Variants in PALB2 observed in about 807,000 individuals in gnomAD.
The protein encoded by PALB2 is partner and localizer of BRCA2.
In PALB2, 82 loss-of-function variants were observed where a neutral mutation model predicts 107.4. The ratio of observed to expected loss-of-function variants is 0.76; its 90% CI spans 0.64 to 0.92. The LOEUF is 0.92. Among genes scored for constraint, PALB2 ranks in the 40% least tolerant of loss-of-function variants. The probability of loss-of-function intolerance (pLI) is 0.00; values close to 1 mark genes in which losing one functional copy is unlikely to be tolerated. For missense variants in PALB2, 1,374 were observed against 1,379.9 expected, an observed-to-expected ratio of 1.00 and a Z score of 0.07; for synonymous variants, 489 against 496.8, an observed-to-expected ratio of 0.98 and a Z score of 0.21.
rs544030223 is a variant in PALB2, at chr16:23,627,261, G to C, written c.2587-864C>G. ...CCAGCACTTTGGGAGGCCGAGGCGG[G>C]TGGATCATGAGGTCAGGAGATCGAG... is the stretch of plus-strand genomic sequence containing the variant. On this transcript the variant is annotated intron_variant, in intron 6 of 12. Coordinates refer to ENST00000261584, the MANE Select transcript of PALB2 (RefSeq NM_024675.4). 1.7e-3 allele frequency among the ~76,000 whole-genome samples: 265 copies of C among 151,976 alleles called. 2 individuals are homozygous for C. Among genetic ancestry groups the C allele is most frequent in the African/African-American group, 6.3e-3 (262 of 41,524 alleles).
rs1304380791 is a variant in PALB2 at position 23,626,366 on chromosome 16, C to T, written c.2618G>A (p.Ser873Asn). 1.2e-6 allele frequency: 2 copies of T among 1,614,196 alleles called. No homozygotes were observed. The highest frequency in any genetic ancestry group is 1.1e-5 in the South Asian group (1 of 91,078). ...ACCGGCTCTTTCCCAAAACATGGCA[C>T]TCACATCTACGGAACAGGAACCTGA... ...NPSGSCSVDV[S>N]AMFWERAGCK... The change falls in exon 7 of 13, where the codon AGT (serine) becomes AAT (asparagine). Residue 873 changes from serine (S) to asparagine (N), a missense_variant. Transcript: ENST00000261584.
chr16:23,632,572 G>T (rs1180258159), intron 4 of PALB2, among the ~76,000 whole-genome samples: 1 of 152,142 alleles, frequency 6.6e-6, no homozygotes, highest in African/African-American at 2.4e-5. Context: ...GGTTGCCCAG[G>T]GATGAAGTAG....
In PALB2 at chr16:23,615,172, C is replaced by T. The variant is rs576529078; in HGVS notation, c.3114-1081G>A. 6.0e-5 allele frequency among the ~76,000 whole-genome samples: 9 copies of T among 150,148 alleles called. No homozygotes were observed. In the East Asian group the frequency reaches 1.4e-3, roughly 23 times the overall value. On this transcript the variant is annotated intron_variant, in intron 10 of 12. Transcript: ENST00000261584. ...CCAGGTTGGCCAGGCTGGTCTTGAA[C>T]TCCTGACCGTAGGTGATCCACCTGC...
chr16:23,616,874 G>A (rs941798094), intron 10 of PALB2, among the ~76,000 whole-genome samples: 1 of 151,162 alleles, frequency 6.6e-6, no homozygotes, highest in Non-Finnish European at 1.5e-5. Flanking sequence ...GTGCAGTGGC[G>A]TGATCTCCGC....
intron 10 of PALB2, among the ~76,000 whole-genome samples, 196 bp downstream of exon 10, chr16:23,621,166 T>TGC (rs1966764069): frequency 6.6e-6 from 1 of 152,112 alleles, no homozygotes; most frequent in African/African-American, 2.4e-5. Context: ...GCCGAGATCA[T>TGC]ACCACTGTAC....
rs1966859211 is a variant in PALB2 at position 23,629,959 on chromosome 16, C to G, written c.2195G>C (p.Gly732Ala). The G allele has an allele frequency of 6.2e-7, 1 of 1,613,966 alleles. No homozygotes were observed. The highest frequency in any genetic ancestry group is 8.5e-7 in the Non-Finnish European group (1 of 1,180,044). ...TTGAGGGCCAAAGGCTGGAGTAGTA[C>G]CTAAGATGGGGAAAGCAGGTGAACA... is the stretch of plus-strand genomic sequence containing the variant. ...DMCSPAFPILGTTPAFGPQGS... is the reference protein window; with the variant it reads ...DMCSPAFPILATTPAFGPQGS... The change falls in exon 5 of 13, where the codon GGT (glycine) becomes GCT (alanine). Residue 732 changes from glycine (G) to alanine (A), a missense_variant. Transcript: ENST00000261584.
Position 23,625,361 on chromosome 16 carries a change from A to G in PALB2, c.2748+875T>C, listed in dbSNP as rs372745893. ...AAACAAACAAACAAACAAAAAACCC[A>G]TATCTAGATAAACCTGTGATGGGCT... is the stretch of plus-strand genomic sequence containing the variant. On this transcript the variant is annotated intron_variant, in intron 7 of 12. Transcript: ENST00000261584. Among the ~76,000 whole-genome samples the G allele has an allele frequency of 8.3e-4, 126 of 151,460 alleles. 8 individuals carry two copies. The highest frequency in any genetic ancestry group is 5.9e-4 in the East Asian group (3 of 5,122).
intron 10 of PALB2, among the ~76,000 whole-genome samples, chr16:23,616,697 A>C (rs1025612362): frequency 5.3e-5 from 8 of 152,244 alleles, no homozygotes; most frequent in African/African-American, 1.9e-4. Context: ...GAAGATATTA[A>C]ATGAAATGTC....
Position 23,629,988 on chromosome 16 carries a change from G to C in PALB2, c.2166C>G (p.Asp722Glu), listed in dbSNP as rs768901359. ...APDDNDRPTT[D>E]MCSPAFPILG... is the part of the protein sequence containing the mutation. ...AGATGGGGAAAGCAGGTGAACACAT[G>C]TCTGTGGTAGGCCTGTCATTATCAT... The change falls in exon 5 of 13, where the codon GAC (aspartate) becomes GAG (glutamate). Residue 722 changes from aspartate (D) to glutamate (E), a missense_variant. By Grantham distance (45) the Asp-to-Glu change is conservative (BLOSUM62 2). Coordinates refer to ENST00000261584, the MANE Select transcript of PALB2 (RefSeq NM_024675.4). The C allele has an allele frequency of 1.9e-6, 3 of 1,614,142 alleles. No individual in the cohort carries two copies. The highest frequency in any genetic ancestry group is 1.7e-6 in the Non-Finnish European group (2 of 1,180,020).
At chr16:23,629,162 A>T (rs1008378700) in intron 6 of PALB2, 42 bp downstream of exon 6, 1 of 1,479,244 alleles carries the variant, frequency 6.8e-7, no homozygotes. Context: ...TAAAGTTTTC[A>T]TATGTAAGAC....
intron 10 of PALB2, among the ~76,000 whole-genome samples, chr16:23,620,474 G>A (rs1966753822): frequency 6.6e-6 from 1 of 152,172 alleles, no homozygotes; most frequent in Non-Finnish European, 1.5e-5. Context: ...TAATAGGAAT[G>A]TTGCCTAGTG....
chr16:23,626,771 G>A (rs1011737150), intron 6 of PALB2, among the ~76,000 whole-genome samples: 11 of 151,836 alleles, frequency 7.2e-5, no homozygotes, highest in Non-Finnish European at 1.0e-4. Flanking sequence ...ACAGGCGCCC[G>A]CCACCACACC....
rs767529142 is a variant in PALB2, at chr16:23,636,380, TAAAAC to T, written c.212-51_212-47del. 5 of 1,322,624 alleles carry T rather than the reference TAAAAC, an allele frequency of 3.8e-6. No individual in the cohort carries two copies. In the South Asian group the frequency reaches 6.0e-5, roughly 16 times the overall value. The allele number at this position is 1,322,624 out of a possible 1,614,324, so 81.9% of individuals were successfully genotyped here. On this transcript the variant is annotated intron_variant, in intron 3 of 12. Transcript: ENST00000261584. The stretch of plus-strand genomic sequence containing the variant: ...TATAACTTATATTTTTCTTATAAAA[TAAAAC>T]AAAAAATACTCATTTTTAACCTATT...
At chr16:23,613,431 G>A (rs1188237584) in intron 11 of PALB2, among the ~76,000 whole-genome samples, 2 of 152,092 alleles carry the variant, frequency 1.3e-5, no homozygotes, top group Non-Finnish European at 2.9e-5. Context: ...ATCACCTGAG[G>A]TCAGGAGTTC....
intron 6 of PALB2, among the ~76,000 whole-genome samples, chr16:23,628,198 C>A (rs1348535117): frequency 6.6e-6 from 1 of 152,184 alleles, no homozygotes; most frequent in Non-Finnish European, 1.5e-5. Context: ...GATTGCCCCA[C>A]TGCACTCCAG....
Position 23,624,003 on chromosome 16 carries a change from A to G in PALB2, c.2834+6T>C, listed in dbSNP as rs1966823001. Reference sequence around the variant, plus strand: ...AAAAACAAATCACTCCTTGGGAATTACATACCTGATCTCTCTGATTTCCAA... The same window carrying G: ...AAAAACAAATCACTCCTTGGGAATTGCATACCTGATCTCTCTGATTTCCAA... On this transcript the variant is annotated splice_donor_region_variant and intron_variant, in intron 8 of 12. Coordinates refer to ENST00000261584, the MANE Select transcript of PALB2 (RefSeq NM_024675.4). 6.4e-7 allele frequency: 1 copy of G among 1,563,844 alleles called. No homozygotes were observed. The highest frequency in any genetic ancestry group is 8.8e-7 in the Non-Finnish European group (1 of 1,134,406).
Position 23,630,197 on chromosome 16 carries a change from A to G in PALB2, c.1957T>C (p.Cys653Arg), listed in dbSNP as rs1567218391. The change falls in exon 5 of 13, where the codon TGT becomes CGT. Residue 653 changes from cysteine to arginine, a missense_variant. Cys to Arg is a radical substitution (Grantham distance 180). Transcript: ENST00000261584. ...GGACTCAGTTCCTCTGGAAAAATAC[A>G]GCTTCCCTCTTTAAGATGTCTCTCT... The part of the protein sequence containing the change: ...FGERHLKEGS[C>R]IFPEELSPKR... 1 of 1,614,154 alleles carries G rather than the reference A, an allele frequency of 6.2e-7. No individual in the cohort carries two copies. The highest frequency in any genetic ancestry group is 2.2e-5 in the East Asian group (1 of 44,890).
Position 23,626,354 on chromosome 16 carries a change from C to T in PALB2, c.2630G>A (p.Trp877Ter), listed in dbSNP as rs876660678. ...TGGCTCTTTACAACCGGCTCTTTCCCAAAACATGGCACTCACATCTACGGA... is the reference window on the plus strand; with the variant it reads ...TGGCTCTTTACAACCGGCTCTTTCCTAAAACATGGCACTCACATCTACGGA... ...SCSVDVSAMFWERAGCKEPCI... is the reference protein window; with the variant it reads ...SCSVDVSAMF The change falls in exon 7 of 13, where the codon TGG (tryptophan) becomes TAG (stop). Residue 877 changes from tryptophan to a stop codon, truncating the protein, a stop_gained. Transcript: ENST00000261584. LOFTEE classifies it high-confidence loss of function. 6.2e-7 allele frequency: 1 copy of T among 1,614,194 alleles called. No individual in the cohort carries two copies. Among genetic ancestry groups the T allele is most frequent in the African/African-American group, 1.3e-5 (1 of 75,048 alleles).
intron 6 of PALB2, among the ~76,000 whole-genome samples, chr16:23,626,953 G>A (rs1966843977): frequency 6.6e-6 from 1 of 151,784 alleles, no homozygotes; most frequent in African/African-American, 2.4e-5. Flanking sequence ...AGTCCAGATG[G>A]AATAAATTCA....
Sources: allele counts gnomAD v4.1 joint callset (sites outside exome capture counted in the v4.1 genomes callset), GRCh38; gene constraint gnomAD v4.1.1; transcripts MANE v1.5; gene names NCBI Gene and HGNC (gene_info 2026-07-23, HGNC 2026-07-21).